The following PAK2 variants were observed in gnomAD, a reference collection of about 807,000 sequenced individuals.
PAK2 encodes p21 (RAC1) activated kinase 2, also known as serine/threonine-protein kinase PAK 2.
In PAK2, 21 loss-of-function variants were observed where a neutral mutation model predicts 65.9. The observed-to-expected ratio is 0.32, with a 90% CI of 0.23 to 0.46. The LOEUF (loss-of-function observed/expected upper bound fraction) is 0.46. Among genes scored for constraint, PAK2 ranks in the 20% least tolerant of loss-of-function variants. The pLI is 1.00. For synonymous variants in PAK2, 204 were observed against 219.7 expected, an observed-to-expected ratio of 0.93 and a Z score of 0.63; for missense variants, 324 against 642.6, an observed-to-expected ratio of 0.50 and a Z score of 5.36.
chr3:196,796,062 C>T (rs573309397), intron 2 of PAK2, among the ~76,000 whole-genome samples: 7 of 152,318 alleles, frequency 4.6e-5, no homozygotes, highest in Non-Finnish European at 1.0e-4. Context: ...CGGTCCAACG[C>T]GGCTGCTGAT....
intron 12 of PAK2, among the ~76,000 whole-genome samples, chr3:196,818,378 T>C (rs535073708): frequency 6.6e-6 from 1 of 152,160 alleles, no homozygotes; most frequent in South Asian, 2.1e-4. Context: ...AGATAAGACA[T>C]TATTAGGTAA....
chr3:196,790,901 G>C (rs1715047247), intron 2 of PAK2, among the ~76,000 whole-genome samples: 1 of 152,216 alleles, frequency 6.6e-6, no homozygotes, highest in Middle Eastern at 3.2e-3. Flanking sequence ...GACCACATGA[G>C]TAAACAAGCT....
rs182446341 is a variant in PAK2, at chr3:196,788,807, G to C, written c.187+5974G>C. On this transcript the variant is annotated intron_variant, in intron 2 of 14. Coordinates refer to ENST00000327134, the MANE Select transcript of PAK2 (RefSeq NM_002577.4). ...CTGTTTCAGTGGCCCACCTACAGGA[G>C]GGATCAGAGCACATCCATGGAGCTG... 5.3e-5 allele frequency among the ~76,000 whole-genome samples: 8 copies of C among 152,338 alleles called. No individual in the cohort carries two copies. In the East Asian group the frequency reaches 1.3e-3, roughly 26 times the overall value.
chr3:196,825,386 G>A (rs1711817663), intron 13 of PAK2, among the ~76,000 whole-genome samples: 1 of 151,084 alleles, frequency 6.6e-6, no homozygotes, highest in Admixed American at 6.6e-5. Context: ...GCTCACACCT[G>A]TAATCCCAGC....
rs191655273 is a variant in PAK2 at position 196,831,687 on chromosome 3, T to C, written c.*3282T>C. On this transcript the variant is annotated 3_prime_UTR_variant, in exon 15 of 15. Coordinates refer to ENST00000327134, the MANE Select transcript of PAK2 (RefSeq NM_002577.4). ...TACTGTATTCTAGCCAGAATAATTTTAGATCTGATCAGGTAGTAGCTAAAA... is the reference window on the plus strand; with the variant it reads ...TACTGTATTCTAGCCAGAATAATTTCAGATCTGATCAGGTAGTAGCTAAAA... The C allele has an allele frequency of 6.6e-6, 1 of 152,362 alleles. No homozygotes were observed. Among genetic ancestry groups the C allele is most frequent in the African/African-American group, 2.4e-5 (1 of 41,598 alleles). The allele number at this position is 152,362 out of a possible 1,614,324, so 9.4% of individuals were successfully genotyped here. A position where few individuals can be genotyped will look rare whatever the true frequency, so the allele number is the denominator to read the frequency against.
chr3:196,759,958 G>A (rs1374345096), intron 1 of PAK2, among the ~76,000 whole-genome samples: 1 of 152,042 alleles, frequency 6.6e-6, no homozygotes, highest in Non-Finnish European at 1.5e-5. Context: ...TCTCCCCGCC[G>A]GCCCCAAATA....
intron 8 of PAK2, among the ~76,000 whole-genome samples, chr3:196,811,146 A>G (rs1383506502): frequency 6.7e-6 from 1 of 150,294 alleles, no homozygotes; most frequent in Non-Finnish European, 1.5e-5. Context: ...GCATTCTGTG[A>G]ATTTAGAGTG....
chr3:196,828,314 G>T lies in PAK2; in HGVS notation c.1489-5G>T. On this transcript the variant is annotated splice_polypyrimidine_tract_variant and splice_region_variant and intron_variant, in intron 14 of 14. Coordinates refer to ENST00000327134, the MANE Select transcript of PAK2 (RefSeq NM_002577.4). ...TACATTTATTTTTCCCCTTCTTTCT[G>T]GCAGCATCCTTTCCTGAAACTGGCC... The T allele has an allele frequency of 2.5e-6, 4 of 1,572,792 alleles. No homozygotes were observed. Among genetic ancestry groups the T allele is most frequent in the Non-Finnish European group, 3.5e-6 (4 of 1,147,074 alleles).
Position 196,809,061 on chromosome 3 carries a change from C to T in PAK2, c.709+1147C>T, listed in dbSNP as rs375980294. Reference sequence around the variant, plus strand: ...AGGCCGAACTATACAACTTAGACCCCGACTCCACCCCCTCAAAAAAAAAAG... The same window carrying T: ...AGGCCGAACTATACAACTTAGACCCTGACTCCACCCCCTCAAAAAAAAAAG... On this transcript the variant is annotated intron_variant, in intron 7 of 14. Coordinates refer to ENST00000327134, the MANE Select transcript of PAK2 (RefSeq NM_002577.4). 5.3e-5 allele frequency among the ~76,000 whole-genome samples: 8 copies of T among 150,458 alleles called. No homozygotes were observed. The East Asian group carries it at 1.2e-3, about 22-fold the overall frequency.
intron 2 of PAK2, among the ~76,000 whole-genome samples, chr3:196,786,239 T>C (rs1026249675): frequency 2.9e-4 from 44 of 151,936 alleles, no homozygotes; most frequent in African/African-American, 9.9e-4. Context: ...CTCAGCTCTC[T>C]GCAACCTCCG....
At chr3:196,766,640 G>A (rs113616039) in intron 1 of PAK2, among the ~76,000 whole-genome samples, 1,580 of 152,050 alleles carry the variant, frequency 0.01, 28 homozygotes, top group African/African-American at 0.036. Context: ...TTCCAAAAGC[G>A]AATATACCAA....
At chr3:196,775,217 T>C (rs1407568202) in intron 1 of PAK2, among the ~76,000 whole-genome samples, 1 of 152,212 alleles carries the variant, frequency 6.6e-6, no homozygotes, top group Non-Finnish European at 1.5e-5. Flanking sequence ...TACGTCATGT[T>C]AATTGGAATT....
intron 10 of PAK2, 84 bp downstream of exon 10, chr3:196,812,935 G>A: frequency 3.2e-6 from 2 of 634,734 alleles, no homozygotes; most frequent in East Asian, 5.5e-5. Flanking sequence ...TGGCCACTTT[G>A]GAATAAACTG....
intron 13 of PAK2, among the ~76,000 whole-genome samples, chr3:196,826,201 T>C (rs1481275070): frequency 6.6e-6 from 1 of 151,498 alleles, no homozygotes; most frequent in Non-Finnish European, 1.5e-5. Flanking sequence ...GGACGGAGTC[T>C]CGCTCTGTCG....
intron 7 of PAK2, among the ~76,000 whole-genome samples, chr3:196,810,073 C>A (rs1715723571): frequency 6.6e-6 from 1 of 151,840 alleles, no homozygotes; most frequent in Admixed American, 6.6e-5. Context: ...CTGGAAGAGT[C>A]AGAAAGACCA....
chr3:196,811,089 G>C (rs1384829514), intron 8 of PAK2, among the ~76,000 whole-genome samples: 1 of 151,654 alleles, frequency 6.6e-6, no homozygotes, highest in East Asian at 1.9e-4. Context: ...TCTGTTGCTT[G>C]GAAGCAAATA....
At chr3:196,798,171 T>G (rs1715314458) in intron 2 of PAK2, among the ~76,000 whole-genome samples, 1 of 152,016 alleles carries the variant, frequency 6.6e-6, no homozygotes, top group South Asian at 2.1e-4. Context: ...AAAAGTAGAT[T>G]CATTTAGAAT....
intron 1 of PAK2, among the ~76,000 whole-genome samples, chr3:196,742,099 C>CTTTTT (rs60738699): frequency 7.0e-5 from 9 of 129,022 alleles, no homozygotes; most frequent in Admixed American, 2.5e-4. Context: ...ATTAATATTT[C>CTTTTT]TTTTTTTTTT....
At chr3:196,814,674 C>T (rs1178228857) in intron 11 of PAK2, 106 bp downstream of exon 11, 3 of 692,312 alleles carry the variant, frequency 4.3e-6, no homozygotes, top group African/African-American at 3.7e-5. Context: ...GAGGTGCTTT[C>T]TCTGTATACA....
Sources: allele counts gnomAD v4.1 joint callset (sites outside exome capture counted in the v4.1 genomes callset), GRCh38; gene constraint gnomAD v4.1.1; transcripts MANE v1.5; gene names NCBI Gene and HGNC (gene_info 2026-07-23, HGNC 2026-07-21).